Variants in ARRB1 observed in about 807,000 individuals in gnomAD.
ARRB1 encodes beta-arrestin-1.
In ARRB1, 21 loss-of-function variants were observed where a neutral mutation model predicts 56.8. The ratio of observed to expected loss-of-function variants is 0.37; its 90% CI spans 0.26 to 0.53. ARRB1 has a LOEUF of 0.53. ARRB1 is among the 20% of genes least tolerant of loss of function. The probability of loss-of-function intolerance (pLI) is 0.88; values close to 1 mark genes in which losing one functional copy is unlikely to be tolerated. For synonymous variants in ARRB1, 210 were observed against 218.6 expected (o/e 0.96, Z 0.35); for missense variants, 424 against 553.7 (o/e 0.77, Z 2.35).
chr11:75,333,285 A>T lies in ARRB1; in HGVS notation c.20+18303T>A, dbSNP rs374286741. ...ATTCAAGCTCTGCAGGGCAGAAACC[A>T]TACAGTAAGTGCTCTGGCAGGAGCA... On this transcript the variant is annotated intron_variant, in intron 1 of 15. Coordinates refer to ENST00000420843, the MANE Select transcript of ARRB1 (RefSeq NM_004041.5). 3.3e-5 allele frequency among the ~76,000 whole-genome samples: 5 copies of T among 152,354 alleles called. No homozygotes were observed. The East Asian group carries it at 7.7e-4, about 23-fold the overall frequency.
At chr11:75,329,303 C>T (rs868291513) in intron 1 of ARRB1, among the ~76,000 whole-genome samples, 12 of 152,194 alleles carry the variant, frequency 7.9e-5, no homozygotes, top group Admixed American at 3.3e-4. Flanking sequence ...AGGGTCTCAC[C>T]ATGTTGCTCA....
At chr11:75,302,624 T>A (rs1481904821) in intron 1 of ARRB1, among the ~76,000 whole-genome samples, 1 of 152,170 alleles carries the variant, frequency 6.6e-6, no homozygotes, top group Non-Finnish European at 1.5e-5. Context: ...TTGAGCCCAG[T>A]GTGACCTCAG....
intron 1 of ARRB1, among the ~76,000 whole-genome samples, chr11:75,322,187 G>T (rs990000470): frequency 6.6e-6 from 1 of 152,200 alleles, no homozygotes; most frequent in Non-Finnish European, 1.5e-5. Flanking sequence ...ACTCCAAAAG[G>T]GACAAGGGCT....
intron 1 of ARRB1, among the ~76,000 whole-genome samples, chr11:75,330,266 G>C (rs533667496): frequency 7.3e-6 from 1 of 136,276 alleles, no homozygotes; most frequent in Non-Finnish European, 1.6e-5. Context: ...GACTCTACTT[G>C]GGTAATTAGG....
intron 1 of ARRB1, among the ~76,000 whole-genome samples, chr11:75,350,671 G>A (rs1473493802): frequency 1.3e-5 from 2 of 152,194 alleles, no homozygotes; most frequent in African/African-American, 4.8e-5. Context: ...GGTTCTCCCA[G>A]CCCTAGGTTC....
chr11:75,291,247 T>C (rs1181597936), intron 1 of ARRB1, among the ~76,000 whole-genome samples: 1 of 152,028 alleles, frequency 6.6e-6, no homozygotes, highest in Non-Finnish European at 1.5e-5. Flanking sequence ...TGAGGTAGAA[T>C]TGCCTGAACC....
intron 1 of ARRB1, among the ~76,000 whole-genome samples, chr11:75,334,809 G>A (rs571436700): frequency 1.3e-5 from 2 of 152,244 alleles, no homozygotes; most frequent in East Asian, 3.9e-4. Context: ...TCTCTGCTGT[G>A]GGATGAGAGC....
intron 10 of ARRB1, among the ~76,000 whole-genome samples, chr11:75,276,339 C>T (rs1477451048): frequency 6.6e-6 from 1 of 152,198 alleles, no homozygotes; most frequent in Non-Finnish European, 1.5e-5. Flanking sequence ...TCGATCCATG[C>T]TCAACCATAG....
chr11:75,311,728 C>T (rs1947165742), intron 1 of ARRB1, among the ~76,000 whole-genome samples: 1 of 152,220 alleles, frequency 6.6e-6, no homozygotes, highest in African/African-American at 2.4e-5. Flanking sequence ...GGCAAACAAA[C>T]GGTGACTGAT....
chr11:75,318,646 C>T (rs1012861666), intron 1 of ARRB1, among the ~76,000 whole-genome samples: 1 of 151,832 alleles, frequency 6.6e-6, no homozygotes, highest in African/African-American at 2.4e-5. Context: ...GCTGAGATCA[C>T]GCCACTGCAC....
intron 1 of ARRB1, among the ~76,000 whole-genome samples, chr11:75,310,292 G>A (rs1947128564): frequency 6.6e-6 from 1 of 152,166 alleles, no homozygotes; most frequent in African/African-American, 2.4e-5. Flanking sequence ...ACGTCTGTAT[G>A]CGCCTGGCAT....
intron 3 of ARRB1, 89 bp downstream of exon 3, chr11:75,287,226 G>C: frequency 7.3e-7 from 1 of 1,365,832 alleles, no homozygotes; most frequent in Non-Finnish European, 9.9e-7. Flanking sequence ...TCTTGGCACC[G>C]GGCCCCTCTG....
Position 75,268,950 on chromosome 11 carries a change from G to T in ARRB1, c.1032C>A (p.Ala344=). 1 of 1,609,604 alleles carries T rather than the reference G, an allele frequency of 6.2e-7. No individual in the cohort carries two copies. The highest frequency in any genetic ancestry group is 8.5e-7 in the Non-Finnish European group (1 of 1,178,774). ...LLGDLASSDV[A]VELPFTLMHP... ...GCATTAGGGTGAAGGGCAGTTCCAC[G>T]GCCACGTCGCTGAAACAGAGACCCA... The change falls in exon 14 of 16, where the codon GCC becomes GCA. Residue 344 remains alanine, a synonymous_variant. Transcript: ENST00000420843.
At chr11:75,277,516 A>T (rs1329590061) in intron 8 of ARRB1, 68 bp from the exon 9 acceptor site, 39 of 1,406,878 alleles carry the variant, frequency 2.8e-5, no homozygotes, top group Non-Finnish European at 3.9e-5. Flanking sequence ...GGGGAGGGAG[A>T]AAAGCCCCCA....
intron 1 of ARRB1, among the ~76,000 whole-genome samples, chr11:75,296,238 G>A (rs1395447314): frequency 6.6e-6 from 1 of 151,052 alleles, no homozygotes; most frequent in Admixed American, 6.6e-5. Flanking sequence ...TTTGTTTCAG[G>A]TGAATGTGTG....
At chr11:75,269,038 C>G in intron 13 of ARRB1, 79 bp from the exon 14 acceptor site, 2 of 1,484,744 alleles carry the variant, frequency 1.3e-6, no homozygotes, top group Non-Finnish European at 9.3e-7. Context: ...CCTGTCAGTC[C>G]GAGGACTGCA....
intron 1 of ARRB1, among the ~76,000 whole-genome samples, chr11:75,316,753 A>T (rs1352806417): frequency 1.3e-5 from 2 of 152,036 alleles, no homozygotes; most frequent in Admixed American, 1.3e-4. Flanking sequence ...TTATCTCTTT[A>T]AAAAAATTTT....
chr11:75,290,158 C>G lies in ARRB1; in HGVS notation c.21-119G>C, dbSNP rs988877085. Reference sequence around the variant, plus strand: ...GCTGGAGTGACTGACAGGCACCATGCAGGCTTGAGATCCGAACAGTGCCCA... The same window carrying G: ...GCTGGAGTGACTGACAGGCACCATGGAGGCTTGAGATCCGAACAGTGCCCA... On this transcript the variant is annotated intron_variant, in intron 1 of 15. Coordinates refer to ENST00000420843, the MANE Select transcript of ARRB1 (RefSeq NM_004041.5). 7 of 1,234,774 alleles carry G rather than the reference C, an allele frequency of 5.7e-6. No individual in the cohort carries two copies. The African/African-American group carries it at 7.5e-5, about 13-fold the overall frequency. 76.5% of individuals were successfully genotyped at this position (1,234,774 alleles called of 1,614,324 possible). A position where few individuals can be genotyped will look rare whatever the true frequency, so the allele number is the denominator to read the frequency against.
rs1947472394 is a variant in ARRB1 at position 75,328,312 on chromosome 11, A to G, written c.20+23276T>C. The stretch of plus-strand genomic sequence containing the variant: ...TCATGGGTGAATAATGTTGTACAGC[A>G]TGGATATACCACCATTTGTTTATCC... On this transcript the variant is annotated intron_variant, in intron 1 of 15. Transcript: ENST00000420843. 1.3e-5 allele frequency among the ~76,000 whole-genome samples: 2 copies of G among 152,204 alleles called. 1 individual carries two copies. The highest frequency in any genetic ancestry group is 4.1e-4 in the South Asian group (2 of 4,834).
Sources: allele counts gnomAD v4.1 joint callset (sites outside exome capture counted in the v4.1 genomes callset), GRCh38; gene constraint gnomAD v4.1.1; transcripts MANE v1.5; gene names NCBI Gene and HGNC (gene_info 2026-07-23, HGNC 2026-07-21).